P2RX6: variants seen among roughly 807,000 people sequenced by gnomAD.
P2RX6 encodes purinergic receptor P2X 6.
A neutral mutation model predicts 54.2 loss-of-function variants in P2RX6; 62 were observed. The ratio of observed to expected loss-of-function variants is 1.14; its 90% CI spans 0.93 to 1.41. P2RX6 has a LOEUF of 1.41. P2RX6 is among the 40% of genes most tolerant of loss of function. P2RX6 has a pLI of 0.00. For synonymous variants in P2RX6, 211 were observed against 231.9 expected (o/e 0.91, Z 0.82); for missense variants, 541 against 566.3 (o/e 0.96, Z 0.45).
chr22:21,024,273 A>G (rs575740538), intron 8 of P2RX6, among the ~76,000 whole-genome samples: 40 of 129,790 alleles, frequency 3.1e-4, no homozygotes, highest in African/African-American at 1.1e-3. Flanking sequence ...TTCCGCTTTT[A>G]CCTAAACTTT....
At chr22:21,011,020 C>T (rs370896545), upstream of P2RX6, among the ~76,000 whole-genome samples, 11 of 152,196 alleles carry the variant, frequency 7.2e-5, no homozygotes, top group African/African-American at 1.9e-4. Flanking sequence ...CTCTTTAAAG[C>T]AGGGGGTCCC....
rs2148086754 is a variant in P2RX6, at chr22:21,025,565, CTG to C, written c.891-239_891-238del. Reference sequence around the variant, plus strand: ...GCCTGCCCCTTCACATCCCCCGCTGCTGGGTCTGTTTAGGGACTCCTCTGTCC... The same window carrying C: ...GCCTGCCCCTTCACATCCCCCGCTGCGGTCTGTTTAGGGACTCCTCTGTCC... On this transcript the variant is annotated intron_variant, in intron 8 of 11. Coordinates refer to ENST00000413302, the MANE Select transcript of P2RX6 (RefSeq NM_005446.5). 2.0e-5 allele frequency among the ~76,000 whole-genome samples: 3 copies of C among 152,336 alleles called. No individual in the cohort carries two copies. The South Asian group carries it at 6.2e-4, about 32-fold the overall frequency.
chr22:21,023,784 C>G (rs1190478468), intron 8 of P2RX6, among the ~76,000 whole-genome samples, 166 bp downstream of exon 8: 2 of 152,162 alleles, frequency 1.3e-5, no homozygotes, highest in Non-Finnish European at 2.9e-5. Flanking sequence ...TCCTCCAGCA[C>G]AGGCTCCGTC....
rs751267866 is a variant in P2RX6 at position 21,025,869 on chromosome 22, A to C, written c.955A>C (p.Ile319Leu). 1 of 1,574,464 alleles carries C rather than the reference A, an allele frequency of 6.4e-7. No individual in the cohort carries two copies. Among genetic ancestry groups the C allele is most frequent in the African/African-American group, 1.4e-5 (1 of 73,952 alleles). The change falls in exon 9 of 12, where the codon ATC (isoleucine) becomes CTC (leucine). Residue 319 changes from isoleucine (I) to leucine (L), a missense_variant. Transcript: ENST00000413302. ...EARTLLKLYGIRFDILVTGQA... is the reference protein window; with the variant it reads ...EARTLLKLYGLRFDILVTGQA... ...CCGCACCCTGCTCAAGCTCTATGGA[A>C]TCCGCTTCGACATCCTCGTCACCGG...
intron 2 of P2RX6, among the ~76,000 whole-genome samples, chr22:21,017,589 C>A (rs751277782): frequency 1.1e-4 from 17 of 152,182 alleles, no homozygotes; most frequent in Non-Finnish European, 2.2e-4. Flanking sequence ...GTAGCTGGAG[C>A]CTGTAGTCCC....
chr22:21,022,296 C>T (rs1483303432), intron 3 of P2RX6, among the ~76,000 whole-genome samples: 2 of 152,228 alleles, frequency 1.3e-5, no homozygotes, highest in East Asian at 1.9e-4. Flanking sequence ...ATTGCTTAAG[C>T]CCGGGAGGGC....
intron 8 of P2RX6, among the ~76,000 whole-genome samples, chr22:21,025,156 C>G (rs775726220): frequency 6.6e-6 from 1 of 152,190 alleles, no homozygotes; most frequent in Non-Finnish European, 1.5e-5. Context: ...GCTGGGATTA[C>G]AGGTGTGAGC....
chr22:21,026,284 T>C lies in P2RX6; in HGVS notation c.1083T>C (p.Tyr361=). The stretch of plus-strand genomic sequence containing the variant: ...TTTTCTGTGACCTGCTACTGCTGTA[T>C]GTGGATAGAGAAGCCCATTTCTACT... ...VTFFCDLLLL[Y]VDREAHFYWR... Residue 361 remains tyrosine (Y), a synonymous_variant, in exon 11 of 12, where the codon TAT becomes TAC. Coordinates refer to ENST00000413302, the MANE Select transcript of P2RX6 (RefSeq NM_005446.5). The surrounding 1 kb of genome is among the most constrained non-coding windows in gnomAD (Gnocchi z 4.0). The C allele has an allele frequency of 6.2e-7, 1 of 1,606,720 alleles. No individual in the cohort carries two copies. Among genetic ancestry groups the C allele is most frequent in the East Asian group, 2.2e-5 (1 of 44,710 alleles).
rs1325245550 is a variant in P2RX6, at chr22:21,026,983, A to T, written c.*366A>T. 1 of 251,922 alleles carries T rather than the reference A, an allele frequency of 4.0e-6. No homozygotes were observed. The highest frequency in any genetic ancestry group is 5.0e-5 in the Admixed American group (1 of 20,128). The allele number at this position is 251,922 out of a possible 1,614,324, so 15.6% of individuals were successfully genotyped here. On this transcript the variant is annotated 3_prime_UTR_variant, in exon 12 of 12. Transcript: ENST00000413302. This position sits in a 1 kb window ranked among gnomAD's most constrained non-coding sequence, Gnocchi z 4.0. ...GTATGCTTACCAGCTGTCAGCACAG[A>T]CCCTCCTGCTGCCTGGGTCCTGGCC...
At chr22:21,022,794 G>A (rs767759287) in intron 4 of P2RX6, 43 bp downstream of exon 4, 13 of 1,513,558 alleles carry the variant, frequency 8.6e-6, no homozygotes, top group Non-Finnish European at 1.2e-5. Flanking sequence ...GCAGGGTGGG[G>A]GCCGGGCTGG....
At chr22:21,010,124 C>A (rs1180709229) in intron 1 of P2RX6, 1 of 152,268 alleles carries the variant, frequency 6.6e-6, no homozygotes, top group Non-Finnish European at 1.5e-5. Flanking sequence ...GCTCCTTCAC[C>A]TCTCAAGGGA....
upstream of P2RX6, among the ~76,000 whole-genome samples, chr22:21,014,443 T>C (rs1925995746): frequency 1.3e-5 from 2 of 152,220 alleles, no homozygotes; most frequent in African/African-American, 2.4e-5. Context: ...TCTCCTGCGC[T>C]GAGGCTCCTC....
intron 3 of P2RX6, among the ~76,000 whole-genome samples, chr22:21,021,859 G>A (rs755544877): frequency 6.6e-6 from 1 of 152,184 alleles, no homozygotes; most frequent in Non-Finnish European, 1.5e-5. Flanking sequence ...GCAGGAAGGA[G>A]TAGCCTGTGG....
chr22:21,025,584 C>T (rs545998522), intron 8 of P2RX6, among the ~76,000 whole-genome samples: 3 of 152,322 alleles, frequency 2.0e-5, no homozygotes, highest in East Asian at 1.9e-4. Context: ...TTTAGGGACT[C>T]CTCTGTCCCC....
intron 8 of P2RX6, among the ~76,000 whole-genome samples, chr22:21,024,782 G>T (rs948358331): frequency 2.0e-5 from 3 of 150,814 alleles, no homozygotes; most frequent in African/African-American, 7.3e-5. Context: ...TGTTGGCCAG[G>T]CTGGTCTCGA....
chr22:21,026,796 G>A lies in P2RX6; in HGVS notation c.*179G>A, dbSNP rs538100515. ...GCTGCCTCAGGGAGCCATAGAAGTC[G>A]GCTGTGTTTTGAGACGGCGACAGAA... On this transcript the variant is annotated 3_prime_UTR_variant, in exon 12 of 12. Coordinates refer to ENST00000413302, the MANE Select transcript of P2RX6 (RefSeq NM_005446.5). This position sits in a 1 kb window ranked among gnomAD's most constrained non-coding sequence, Gnocchi z 4.0. 2.2e-6 allele frequency: 3 copies of A among 1,338,952 alleles called. No individual in the cohort carries two copies. Among genetic ancestry groups the A allele is most frequent in the Middle Eastern group, 2.7e-4 (1 of 3,700 alleles). The allele number at this position is 1,338,952 out of a possible 1,614,324, so 82.9% of individuals were successfully genotyped here. A position where few individuals can be genotyped will look rare whatever the true frequency, so the allele number is the denominator to read the frequency against.
At chr22:21,022,916 T>C in intron 4 of P2RX6, 26 bp from the exon 5 acceptor site, 1 of 1,588,802 alleles carries the variant, frequency 6.3e-7, no homozygotes, top group Middle Eastern at 1.7e-4. Context: ...GATTTGAAGG[T>C]CTGGAGTTCA....
chr22:21,011,113 T>G (rs1291992636), upstream of P2RX6, among the ~76,000 whole-genome samples: 1 of 151,682 alleles, frequency 6.6e-6, no homozygotes, highest in Non-Finnish European at 1.5e-5. Context: ...CATTGTCCCT[T>G]GAGGTCAGGA....
upstream of P2RX6, chr22:21,012,450 G>A: frequency 4.6e-6 from 2 of 437,378 alleles, no homozygotes; most frequent in South Asian, 2.2e-5. Context: ...ACATGGCCCA[G>A]CTTTCAGGGG....
Sources: gnomAD v4.1 joint callset for allele counts (sites outside exome capture counted in the v4.1 genomes callset) on GRCh38, gnomAD v4.1.1 for gene constraint, Gnocchi (gnomAD v3.1) non-coding constraint, MANE v1.5 for transcripts, NCBI Gene and HGNC (gene_info 2026-07-23, HGNC 2026-07-21) for gene names.